GNA13: variants seen among roughly 807,000 people sequenced by gnomAD.
The protein encoded by GNA13 is guanine nucleotide-binding protein subunit alpha-13.
GNA13 carries 4 observed loss-of-function variants against 33.5 expected under a neutral mutation model. The ratio of observed to expected loss-of-function variants is 0.12; its 90% CI spans 0.06 to 0.27. The LOEUF (loss-of-function observed/expected upper bound fraction) is 0.27. Among genes scored for constraint, GNA13 ranks in the 10% least tolerant of loss-of-function variants. The pLI is 1.00. For missense variants in GNA13, 319 were observed against 487.2 expected, an observed-to-expected ratio of 0.65 and a Z score of 3.25; for synonymous variants, 176 against 183.8, an observed-to-expected ratio of 0.96 and a Z score of 0.34.
chr17:65,020,319 A>C (rs1485024261), intron 2 of GNA13, among the ~76,000 whole-genome samples: 1 of 152,202 alleles, frequency 6.6e-6, no homozygotes, highest in Non-Finnish European at 1.5e-5. Context: ...CCAAGTCTCT[A>C]AACTCCTCCA....
Position 65,009,325 on chromosome 17 carries a change from T to C in GNA13, c.*4932A>G, listed in dbSNP as rs1162948500. On this transcript the variant is annotated 3_prime_UTR_variant, in exon 4 of 4. Coordinates refer to ENST00000439174, the MANE Select transcript of GNA13 (RefSeq NM_006572.6). ...ACAAATGTTTATTAAATGTCAGTAA[T>C]TTTTACAAAGCAAATATTAATAGCA... Among the ~76,000 whole-genome samples, 1 of 152,254 alleles carries C rather than the reference T, an allele frequency of 6.6e-6. No individual in the cohort carries two copies. Among genetic ancestry groups the C allele is most frequent in the Non-Finnish European group, 1.5e-5 (1 of 68,042 alleles).
chr17:65,041,115 TAA>T (rs1003488899), intron 2 of GNA13, among the ~76,000 whole-genome samples: 11 of 152,208 alleles, frequency 7.2e-5, no homozygotes, highest in Admixed American at 3.9e-4. Context: ...AATAATTTTT[TAA>T]AAAGAGACTA....
chr17:65,039,213 A>C (rs1907370816), intron 2 of GNA13, among the ~76,000 whole-genome samples: 1 of 152,224 alleles, frequency 6.6e-6, no homozygotes, highest in South Asian at 2.1e-4. Context: ...TACAAAGTAT[A>C]TCCTGAATCC....
intron 2 of GNA13, among the ~76,000 whole-genome samples, chr17:65,040,997 G>T (rs1907431035): frequency 6.6e-6 from 1 of 152,054 alleles, no homozygotes. Flanking sequence ...TAATATCAAT[G>T]AAAAGATACA....
At chr17:65,040,155 T>C (rs1907402520) in intron 2 of GNA13, among the ~76,000 whole-genome samples, 1 of 151,738 alleles carries the variant, frequency 6.6e-6, no homozygotes, top group Non-Finnish European at 1.5e-5. Context: ...GGAACCTTGG[T>C]TCTCTTACTA....
In GNA13 at chr17:65,010,198, A is replaced by G. The variant is rs1158008339; in HGVS notation, c.*4059T>C. ...GCTAACTACACGTTCAAGTACAGAC[A>G]TAAGAATGCTAGTGGTACAAACACT... On this transcript the variant is annotated 3_prime_UTR_variant, in exon 4 of 4. Coordinates refer to ENST00000439174, the MANE Select transcript of GNA13 (RefSeq NM_006572.6). 6.6e-6 allele frequency among the ~76,000 whole-genome samples: 1 copy of G among 152,244 alleles called. No homozygotes were observed. The highest frequency in any genetic ancestry group is 2.1e-4 in the South Asian group (1 of 4,836).
At chr17:65,032,808 T>C (rs989693265) in intron 2 of GNA13, among the ~76,000 whole-genome samples, 2 of 10,998 alleles carry the variant, frequency 1.8e-4, no homozygotes, top group Non-Finnish European at 9.2e-3. Context: ...CATTTTTCTC[T>C]GGAAAAAAAA....
intron 2 of GNA13, among the ~76,000 whole-genome samples, chr17:65,047,163 TA>T (rs1282230204): frequency 1.3e-5 from 2 of 152,222 alleles, no homozygotes; most frequent in African/African-American, 4.8e-5. Context: ...AAGATTTGGA[TA>T]AAATGTAACC....
At chr17:65,033,921 G>A (rs1474294420) in intron 2 of GNA13, among the ~76,000 whole-genome samples, 1 of 134,592 alleles carries the variant, frequency 7.4e-6, no homozygotes, top group Non-Finnish European at 1.5e-5. Flanking sequence ...GCTGAGGCAG[G>A]AGAATCACTT....
intron 2 of GNA13, among the ~76,000 whole-genome samples, chr17:65,042,754 G>GT (rs961152385): frequency 3.3e-5 from 5 of 152,026 alleles, no homozygotes; most frequent in African/African-American, 9.7e-5. Context: ...AAGAACTAAT[G>GT]TAACAAGGAA....
chr17:65,038,744 C>T (rs932788335), intron 2 of GNA13, among the ~76,000 whole-genome samples: 31 of 152,170 alleles, frequency 2.0e-4, no homozygotes, highest in African/African-American at 6.8e-4. Flanking sequence ...ACATTTAATA[C>T]ATCTAACCCA....
chr17:65,023,629 T>C (rs1429518927), intron 2 of GNA13, among the ~76,000 whole-genome samples: 1 of 152,214 alleles, frequency 6.6e-6, no homozygotes, highest in African/African-American at 2.4e-5. Flanking sequence ...CTAGCATAGT[T>C]TTAATCAAAA....
rs149556912 is a variant in GNA13, at chr17:65,055,611, C to T, written c.283+700G>A. On this transcript the variant is annotated intron_variant, in intron 1 of 3. Transcript: ENST00000439174. ...ATCCTACCTGACCGTGACACTGGGG[C>T]GAAAAAGCACAGATGCTACATTTTC... is the stretch of plus-strand genomic sequence containing the variant. 335 of 985,324 alleles carry T rather than the reference C, an allele frequency of 3.4e-4. 3 individuals carry two copies. In the African/African-American group the frequency reaches 5.3e-3, roughly 16 times the overall value. The allele number at this position is 985,324 out of a possible 1,614,324, so 61.0% of individuals were successfully genotyped here.
At chr17:65,038,092 G>A (rs887218867) in intron 2 of GNA13, among the ~76,000 whole-genome samples, 2 of 152,118 alleles carry the variant, frequency 1.3e-5, no homozygotes, top group African/African-American at 4.8e-5. Context: ...CACTTAAGAT[G>A]AAAATATCGT....
rs1906276838 is a variant in GNA13, at chr17:65,013,950, A to G, written c.*307T>C. 3.0e-6 allele frequency: 1 copy of G among 337,818 alleles called. No homozygotes were observed. The highest frequency in any genetic ancestry group is 4.5e-5 in the East Asian group (1 of 22,254). 20.9% of individuals were successfully genotyped at this position (337,818 alleles called of 1,614,324 possible). On this transcript the variant is annotated 3_prime_UTR_variant, in exon 4 of 4. Transcript: ENST00000439174. Reference sequence around the variant, plus strand: ...GGCACTGCAGGAGAATTCAGTTTGGAAAGTAGAATAATTTAAAGCCTGAAA... The same window carrying G: ...GGCACTGCAGGAGAATTCAGTTTGGGAAGTAGAATAATTTAAAGCCTGAAA...
At chr17:65,032,009 C>CT (rs953621311) in intron 2 of GNA13, among the ~76,000 whole-genome samples, 4 of 151,204 alleles carry the variant, frequency 2.6e-5, no homozygotes, top group African/African-American at 9.7e-5. Context: ...TATGTATACA[C>CT]TAATAATTTC....
At chr17:65,025,620 T>A (rs1403964590) in intron 2 of GNA13, among the ~76,000 whole-genome samples, 1 of 152,178 alleles carries the variant, frequency 6.6e-6, no homozygotes, top group Non-Finnish European at 1.5e-5. Context: ...AAAATTAATT[T>A]GCTTCTATAA....
chr17:65,035,701 G>C (rs981120003), intron 2 of GNA13, among the ~76,000 whole-genome samples: 10 of 151,288 alleles, frequency 6.6e-5, no homozygotes, highest in Admixed American at 4.6e-4. Context: ...ATACTTTTTT[G>C]AAAAGGGCCA....
At chr17:65,037,530 C>T (rs968667139) in intron 2 of GNA13, among the ~76,000 whole-genome samples, 3 of 152,118 alleles carry the variant, frequency 2.0e-5, no homozygotes, top group Admixed American at 6.6e-5. Context: ...GAAACACTTT[C>T]CTGGCTTCCA....
Sources: allele counts gnomAD v4.1 joint callset (sites outside exome capture counted in the v4.1 genomes callset), GRCh38; gene constraint gnomAD v4.1.1; transcripts MANE v1.5; gene names NCBI Gene and HGNC (gene_info 2026-07-23, HGNC 2026-07-21).